LAMA3: variants seen among roughly 807,000 people sequenced by gnomAD.
LAMA3 encodes the protein laminin subunit alpha 3.
Under a neutral mutation model 402.0 loss-of-function variants are expected in LAMA3, and 281 were observed. The observed-to-expected ratio is 0.70, with a 90% CI of 0.63 to 0.77. The LOEUF (loss-of-function observed/expected upper bound fraction) is 0.77. Among genes scored for constraint, LAMA3 ranks in the 30% least tolerant of loss-of-function variants. The pLI, the probability that LAMA3 is intolerant of heterozygous loss-of-function variation, is 0.00. For missense variants in LAMA3, 3,840 were observed against 4,215.5 expected, an observed-to-expected ratio of 0.91 and a Z score of 2.47; for synonymous variants, 1,431 against 1,558.4, an observed-to-expected ratio of 0.92 and a Z score of 1.93.
chr18:23,746,869 G>A (rs2061660017), intron 2 of LAMA3, among the ~76,000 whole-genome samples: 1 of 151,144 alleles, frequency 6.6e-6, no homozygotes, highest in African/African-American at 2.4e-5. Flanking sequence ...ACATTAGCTG[G>A]CAGTTCTCAG....
Position 23,742,736 on chromosome 18 carries a change from GT to G in LAMA3, c.448-5206del, listed in dbSNP as rs541774839. ...GTTGGTGAATCTAGGTGAAAAGCAT[GT>G]GAGTATTCATTGTATTGTTCTTTGA... On this transcript the variant is annotated intron_variant, in intron 2 of 74. Transcript: ENST00000313654. Among the ~76,000 whole-genome samples, 10 of 152,228 alleles carry G rather than the reference GT, an allele frequency of 6.6e-5. No individual in the cohort carries two copies. In the East Asian group the frequency reaches 1.7e-3, roughly 26 times the overall value.
At chr18:23,717,087 G>A (rs2061114785) in intron 2 of LAMA3, among the ~76,000 whole-genome samples, 1 of 152,162 alleles carries the variant, frequency 6.6e-6, no homozygotes, top group Admixed American at 6.5e-5. Context: ...AAGTCTAGGA[G>A]CAGGAAAAGC....
rs1309244363 is a variant in LAMA3, at chr18:23,689,720, G to C, written c.37G>C (p.Gly13Arg). The part of the protein sequence containing the change: ...AAARPRGRAL[G>R]PVLPPTPLLL... ...CGCGCGGCCTCGGGGTCGGGCACTG[G>C]GGCCAGTACTGCCGCCGACGCCGCT... Residue 13 changes from glycine to arginine, a missense_variant, in exon 1 of 75, where the codon GGG (glycine) becomes CGG (arginine). Physicochemically the swap from Gly to Arg is moderately radical, Grantham distance 125. Around this residue, in one of 3 missense-constraint regions of LAMA3, gnomAD observed 2,109 missense variants for 2,376.0 expected, o/e 0.89. Coordinates refer to ENST00000313654, the MANE Select transcript of LAMA3 (RefSeq NM_198129.4). 7.1e-7 allele frequency: 1 copy of C among 1,410,862 alleles called. No individual in the cohort carries two copies. Among genetic ancestry groups the C allele is most frequent in the Admixed American group, 2.9e-5 (1 of 34,522 alleles). 87.4% of individuals were successfully genotyped at this position (1,410,862 alleles called of 1,614,324 possible). A position where few individuals can be genotyped will look rare whatever the true frequency, so the allele number is the denominator to read the frequency against.
chr18:23,775,677 G>C (rs923875278), intron 9 of LAMA3, 115 bp from the exon 10 acceptor site: 1 of 1,215,244 alleles, frequency 8.2e-7, no homozygotes, highest in Non-Finnish European at 1.2e-6. Flanking sequence ...GCCCTTTCAA[G>C]AATACCTATA....
At chr18:23,836,758 C>A (rs370463200) in intron 24 of LAMA3, among the ~76,000 whole-genome samples, 4 of 152,140 alleles carry the variant, frequency 2.6e-5, no homozygotes, top group African/African-American at 7.2e-5. Context: ...CTGAATGGGG[C>A]CTTTAGCCCT....
At chr18:23,750,799 A>C in intron 4 of LAMA3, 119 bp from the exon 5 acceptor site, 2 of 1,038,646 alleles carry the variant, frequency 1.9e-6, no homozygotes, top group South Asian at 2.6e-5. Flanking sequence ...CCCCCTACGA[A>C]TATCAAATGG....
chr18:23,893,288 A>G (rs2080755104), intron 42 of LAMA3, among the ~76,000 whole-genome samples: 1 of 152,182 alleles, frequency 6.6e-6, no homozygotes, highest in African/African-American at 2.4e-5. Context: ...GTCAGAATGC[A>G]TGGCATGGGG....
At chr18:23,954,425 A>G in intron 74 of LAMA3, 78 bp from the exon 75 acceptor site, 1 of 1,147,174 alleles carries the variant, frequency 8.7e-7, no homozygotes, top group South Asian at 1.4e-5. Context: ...AAAAAAAAAT[A>G]CTATCTTTTA....
Position 23,839,851 on chromosome 18 carries a change from C to T in LAMA3, c.3258C>T (p.Gly1086=). 1 of 1,614,188 alleles carries T rather than the reference C, an allele frequency of 6.2e-7. No individual in the cohort carries two copies. Among genetic ancestry groups the T allele is most frequent in the Non-Finnish European group, 8.5e-7 (1 of 1,180,004 alleles). The change falls in exon 27 of 75, where the codon GGC becomes GGT. Residue 1086 remains glycine, a synonymous_variant. Transcript: ENST00000313654. This position sits in a 1 kb window ranked among gnomAD's most constrained non-coding sequence, Gnocchi z 4.5. Reference sequence around the variant, plus strand: ...CATTAATTTTGGATGTTCTAAGTGGCAGGCCTTTCCCTCACCTGCCCCAGC... The same window carrying T: ...CATTAATTTTGGATGTTCTAAGTGGTAGGCCTTTCCCTCACCTGCCCCAGC... The part of the protein sequence containing the change: ...PTALILDVLS[G]RPFPHLPQQS...
chr18:23,905,516 TTTC>T lies in LAMA3; in HGVS notation c.6616-5_6616-3del. On this transcript the variant is annotated splice_region_variant and splice_polypyrimidine_tract_variant and intron_variant, in intron 51 of 74. Transcript: ENST00000313654. The stretch of plus-strand genomic sequence containing the variant: ...TGTTTAAGGCTGTTAAATGCTTTGC[TTTC>T]AGACAGTGATAAAGGAAGATCTGCC... The T allele has an allele frequency of 6.5e-7, 1 of 1,543,542 alleles. No individual in the cohort carries two copies. Among genetic ancestry groups the T allele is most frequent in the Middle Eastern group, 1.7e-4 (1 of 5,916 alleles).
In LAMA3 at chr18:23,871,620, A is replaced by G. The variant is rs200248847; in HGVS notation, c.4957A>G (p.Ile1653Val). ...TGGGCGCATAGCACTTGCTGTGGAA[A>G]TCTGTGCCTGCCCCCCTGCCTACGC... is the stretch of plus-strand genomic sequence containing the variant. Reference protein sequence around the residue: ...GSGRIALAVEICACPPAYAGD... With the variant: ...GSGRIALAVEVCACPPAYAGD... The change falls in exon 38 of 75, where the codon ATC becomes GTC. Residue 1653 changes from isoleucine to valine, a missense_variant. By Grantham distance (29) the Ile-to-Val change is conservative. This residue lies in a region of LAMA3 where 2,109 missense variants were observed against 2,376.0 expected (regional missense o/e 0.89). Transcript: ENST00000313654. 161 of 1,613,270 alleles carry G rather than the reference A, an allele frequency of 1.0e-4. No homozygotes were observed. The highest frequency in any genetic ancestry group is 4.9e-4 in the Middle Eastern group (3 of 6,078).
intron 32 of LAMA3, among the ~76,000 whole-genome samples, chr18:23,856,135 G>A (rs894667178): frequency 2.0e-5 from 3 of 152,216 alleles, no homozygotes; most frequent in African/African-American, 4.8e-5. Flanking sequence ...ATTTGCCCAA[G>A]GTCCAGTAAG....
chr18:23,914,804 A>T lies in LAMA3; in HGVS notation c.7588A>T (p.Asn2530Tyr). 1.2e-6 allele frequency: 2 copies of T among 1,613,256 alleles called. No individual in the cohort carries two copies. The highest frequency in any genetic ancestry group is 1.7e-6 in the Non-Finnish European group (2 of 1,179,264). ...TGGTAGAAATAGCAATACACTCCTT[A>T]ATTTGGATCCTGAAAATGTTGTATT... is the stretch of plus-strand genomic sequence containing the variant. ...MDGRNSNTLLNLDPENVVFYV... is the reference protein window; with the variant it reads ...MDGRNSNTLLYLDPENVVFYV... Residue 2530 changes from asparagine (N) to tyrosine (Y), a missense_variant, in exon 58 of 75, where the codon AAT (asparagine) becomes TAT (tyrosine). Physicochemically the swap from Asn to Tyr is moderately radical, Grantham distance 143. Transcript: ENST00000313654.
intron 2 of LAMA3, among the ~76,000 whole-genome samples, chr18:23,723,380 C>A (rs1171080877): frequency 6.6e-6 from 1 of 152,106 alleles, no homozygotes; most frequent in Non-Finnish European, 1.5e-5. Flanking sequence ...TAATAGGCAC[C>A]ACATGATGCC....
intron 36 of LAMA3, among the ~76,000 whole-genome samples, chr18:23,867,252 A>G (rs926956346): frequency 1.3e-5 from 2 of 152,238 alleles, no homozygotes; most frequent in East Asian, 1.9e-4. Context: ...ACTGCAAGGC[A>G]TAGTTTAAAA....
At chr18:23,728,092 C>T (rs752740414) in intron 2 of LAMA3, among the ~76,000 whole-genome samples, 11 of 152,314 alleles carry the variant, frequency 7.2e-5, no homozygotes, top group Admixed American at 4.6e-4. Flanking sequence ...AAAAGGCCTC[C>T]TCTTCTCTGC....
chr18:23,865,809 G>A (rs76415224), intron 36 of LAMA3, among the ~76,000 whole-genome samples: 6,759 of 152,292 alleles, frequency 0.044, 393 homozygotes, highest in Admixed American at 0.17. Flanking sequence ...GTACAGGGCA[G>A]GAGGCTGTGC....
intron 70 of LAMA3, among the ~76,000 whole-genome samples, chr18:23,949,039 G>A (rs542916926): frequency 1.2e-4 from 19 of 152,184 alleles, no homozygotes; most frequent in African/African-American, 2.6e-4. Flanking sequence ...AAATGCACAC[G>A]CAGAACACAC....
intron 7 of LAMA3, among the ~76,000 whole-genome samples, chr18:23,759,522 A>G (rs893130316): frequency 4.6e-5 from 7 of 152,040 alleles, no homozygotes; most frequent in Non-Finnish European, 1.0e-4. Context: ...CAGCCTCTCC[A>G]GTAGCTGGGA....
Sources: allele counts gnomAD v4.1 joint callset (sites outside exome capture counted in the v4.1 genomes callset), GRCh38; gene constraint gnomAD v4.1.1; regional missense constraint gnomAD v4.1.1; non-coding constraint Gnocchi (gnomAD v3.1); transcripts MANE v1.5; gene names NCBI Gene and HGNC (gene_info 2026-07-23, HGNC 2026-07-21).